Variants in DTHD1 observed in about 807,000 individuals in gnomAD.
The protein encoded by DTHD1 is death domain-containing protein 1.
DTHD1 carries 59 observed loss-of-function variants against 74.8 expected under a neutral mutation model. The observed-to-expected ratio is 0.79, with a 90% CI of 0.64 to 0.98. The LOEUF is 0.98. Ranked by LOEUF, DTHD1 falls within the 50% of genes least tolerant of loss-of-function variation. The probability of loss-of-function intolerance (pLI) is 0.00; values close to 1 mark genes in which losing one functional copy is unlikely to be tolerated. For missense variants in DTHD1, 1,051 were observed against 1,065.4 expected, an observed-to-expected ratio of 0.99 and a Z score of 0.19; for synonymous variants, 365 against 371.1, an observed-to-expected ratio of 0.98 and a Z score of 0.19.
At chr4:36,331,859 C>G (rs917397338) in intron 8 of DTHD1, among the ~76,000 whole-genome samples, 5 of 152,200 alleles carry the variant, frequency 3.3e-5, no homozygotes, top group African/African-American at 9.7e-5. Context: ...TTGCTCTGCA[C>G]TAGAGTCCCC....
rs144098121 is a variant in DTHD1 at position 36,295,321 on chromosome 4, C to T, written c.1643+282C>T. 1.7e-3 allele frequency among the ~76,000 whole-genome samples: 264 copies of T among 152,114 alleles called. 1 individual carries two copies. Among genetic ancestry groups the T allele is most frequent in the African/African-American group, 6.0e-3 (250 of 41,534 alleles). On this transcript the variant is annotated intron_variant, in intron 5 of 9. Transcript: ENST00000639862. ...TTTGAAACCTTCAATCTATTCAAAG[C>T]GCTGGAAATTTAGTCAGCACAGGTA...
At position 36,345,147 on chromosome 4, in the gene DTHD1, C is replaced by A. The variant is rs541513510; in HGVS notation, c.*1323C>A. On this transcript the variant is annotated 3_prime_UTR_variant, in exon 10 of 10. Coordinates refer to ENST00000639862, the MANE Select transcript of DTHD1 (RefSeq NM_001170700.3). ...GAAAACCTGCTTTAAAATTAGTTAA[C>A]AGAAGCCTTATTACATAAGCCCTAG... is the stretch of plus-strand genomic sequence containing the variant. 1.8e-3 allele frequency: 270 copies of A among 152,192 alleles called. 1 individual carries two copies. The highest frequency in any genetic ancestry group is 5.7e-3 in the African/African-American group (238 of 41,546). The allele number at this position is 152,192 out of a possible 1,614,324, so 9.4% of individuals were successfully genotyped here.
intron 2 of DTHD1, among the ~76,000 whole-genome samples, chr4:36,287,282 T>A (rs1755768875): frequency 6.6e-6 from 1 of 152,248 alleles, no homozygotes; most frequent in African/African-American, 2.4e-5. Context: ...TCCAATTCCA[T>A]CCAGGTTGCT....
intron 8 of DTHD1, chr4:36,333,436 G>C (rs1180355841): frequency 6.6e-6 from 1 of 152,166 alleles, no homozygotes; most frequent in Non-Finnish European, 1.5e-5. Context: ...TTAATGTCAT[G>C]TGACATGAGG....
chr4:36,284,058 G>A lies in DTHD1; in HGVS notation c.354G>A (p.Lys118=), dbSNP rs1372994158. The stretch of plus-strand genomic sequence containing the variant: ...CTGCACTTCTAAAGAAAGAAGAAAA[G>A]GAGATTTGTAATTTATGCGGCATGC... ...STAALLKKEE[K]EICNLCGMHD... Residue 118 remains lysine (K), a synonymous_variant, in exon 2 of 10, where the codon AAG becomes AAA. Coordinates refer to ENST00000639862, the MANE Select transcript of DTHD1 (RefSeq NM_001170700.3). 1 of 1,537,172 alleles carries A rather than the reference G, an allele frequency of 6.5e-7. No homozygotes were observed. Among genetic ancestry groups the A allele is most frequent in the Admixed American group, 2.0e-5 (1 of 50,998 alleles).
intron 5 of DTHD1, among the ~76,000 whole-genome samples, chr4:36,295,591 A>T (rs917129893): frequency 6.6e-6 from 1 of 152,168 alleles, no homozygotes; most frequent in Non-Finnish European, 1.5e-5. Flanking sequence ...TATTAAAAAA[A>T]ACTTGTAGAA....
Position 36,316,236 on chromosome 4 carries a change from A to G in DTHD1, c.2096-6A>G, listed in dbSNP as rs1397475354. On this transcript the variant is annotated splice_region_variant and splice_polypyrimidine_tract_variant and intron_variant, in intron 7 of 9. Coordinates refer to ENST00000639862, the MANE Select transcript of DTHD1 (RefSeq NM_001170700.3). ...ATGGTAATAAATACATTTTACTTCT[A>G]TTTAGGCAACGGGAAGGATTATGGA... 3 of 1,548,284 alleles carry G rather than the reference A, an allele frequency of 1.9e-6. No individual in the cohort carries two copies. Among genetic ancestry groups the G allele is most frequent in the Admixed American group, 4.0e-5 (2 of 50,180 alleles).
intron 5 of DTHD1, among the ~76,000 whole-genome samples, chr4:36,303,835 A>C (rs536579143): frequency 2.0e-5 from 3 of 152,224 alleles, no homozygotes; most frequent in Non-Finnish European, 4.4e-5. Flanking sequence ...GGTCATCCTC[A>C]CTCTAGATAG....
intron 3 of DTHD1, among the ~76,000 whole-genome samples, chr4:36,291,209 T>C (rs1756057503): frequency 2.6e-5 from 4 of 152,188 alleles, no homozygotes; most frequent in Admixed American, 1.3e-4. Context: ...GTATATGTGG[T>C]AGTTAAGATG....
intron 7 of DTHD1, among the ~76,000 whole-genome samples, chr4:36,315,944 T>C (rs149977225): frequency 9.5e-4 from 145 of 152,310 alleles, no homozygotes; most frequent in Non-Finnish European, 1.8e-3. Context: ...TCTTTTTCGT[T>C]TGTTTGTTTG....
chr4:36,337,489 A>C (rs1346117209), intron 8 of DTHD1, among the ~76,000 whole-genome samples: 1 of 152,238 alleles, frequency 6.6e-6, no homozygotes, highest in Non-Finnish European at 1.5e-5. Flanking sequence ...CTCTTGTCCA[A>C]GGCCATGTGC....
rs370087938 is a variant in DTHD1 at position 36,293,654 on chromosome 4, C to G, written c.1347C>G (p.Ser449=). The G allele has an allele frequency of 6.5e-7, 1 of 1,547,958 alleles. No homozygotes were observed. The highest frequency in any genetic ancestry group is 1.4e-5 in the African/African-American group (1 of 73,126). Reference sequence around the variant, plus strand: ...AGTCAAGCATGGATTCCCGAATATCCTTAAATTACCCTCCAGGAGTTTTTA... The same window carrying G: ...AGTCAAGCATGGATTCCCGAATATCGTTAAATTACCCTCCAGGAGTTTTTA... ...ALKSSMDSRI[S]LNYPPGVFTS... Residue 449 remains serine, a synonymous_variant, in exon 4 of 10, where the codon TCC becomes TCG. Transcript: ENST00000639862.
intron 7 of DTHD1, among the ~76,000 whole-genome samples, chr4:36,309,876 C>T (rs1757287510): frequency 6.6e-6 from 1 of 152,188 alleles, no homozygotes; most frequent in South Asian, 2.1e-4. Flanking sequence ...CCCTTGTAGT[C>T]TCCAGTTTCT....
At chr4:36,286,160 A>T (rs769949223) in intron 2 of DTHD1, among the ~76,000 whole-genome samples, 3 of 152,210 alleles carry the variant, frequency 2.0e-5, no homozygotes, top group Non-Finnish European at 4.4e-5. Context: ...GATCCACATG[A>T]TTTGTAAGAA....
chr4:36,287,280 C>T (rs1385944505), intron 2 of DTHD1, among the ~76,000 whole-genome samples: 4 of 152,192 alleles, frequency 2.6e-5, no homozygotes, highest in African/African-American at 9.7e-5. Context: ...TCTCCAATTC[C>T]ATCCAGGTTG....
chr4:36,310,042 T>G (rs950720014), intron 7 of DTHD1, among the ~76,000 whole-genome samples: 2 of 152,236 alleles, frequency 1.3e-5, no homozygotes, highest in African/African-American at 4.8e-5. Flanking sequence ...TGTTCTTTTT[T>G]GTGGCTGCAT....
At chr4:36,331,010 A>T (rs1280869934) in intron 8 of DTHD1, among the ~76,000 whole-genome samples, 3 of 152,110 alleles carry the variant, frequency 2.0e-5, no homozygotes, top group Non-Finnish European at 4.4e-5. Context: ...GTCATACATC[A>T]TAAAATTCAG....
At position 36,284,590 on chromosome 4, in the gene DTHD1, G is replaced by T. The variant is rs895240671; in HGVS notation, c.886G>T (p.Glu296Ter). ...IKHKNNIMEK[E>*]YLDVLSDVTG... ...GCACAAGAATAACATAATGGAAAAG[G>T]AGTAAGTAAATGCAATGTGGGAAGT... Residue 296 changes from glutamate (E) to a stop codon, truncating the protein, a stop_gained and splice_region_variant, in exon 2 of 10, where the codon GAG becomes TAG. Transcript: ENST00000639862. LOFTEE classifies it high-confidence loss of function. The T allele has an allele frequency of 2.0e-6, 3 of 1,505,366 alleles. No homozygotes were observed. Among genetic ancestry groups the T allele is most frequent in the African/African-American group, 2.8e-5 (2 of 71,438 alleles). 93.3% of individuals were successfully genotyped at this position (1,505,366 alleles called of 1,614,324 possible). A position where few individuals can be genotyped will look rare whatever the true frequency, so the allele number is the denominator to read the frequency against.
At chr4:36,297,760 A>T (rs1308254558) in intron 5 of DTHD1, among the ~76,000 whole-genome samples, 1 of 152,122 alleles carries the variant, frequency 6.6e-6, no homozygotes, top group Non-Finnish European at 1.5e-5. Flanking sequence ...GCACGTGTGC[A>T]TGGGTGGGGT....
Sources: allele counts gnomAD v4.1 joint callset (sites outside exome capture counted in the v4.1 genomes callset), GRCh38; gene constraint gnomAD v4.1.1; transcripts MANE v1.5; gene names NCBI Gene and HGNC (gene_info 2026-07-23, HGNC 2026-07-21).